The following IGSF10 variants were observed in gnomAD, a reference collection of about 807,000 sequenced individuals.
IGSF10 encodes the protein immunoglobulin superfamily member 10.
In IGSF10, 126 loss-of-function variants were observed where a neutral mutation model predicts 128.2. The ratio of observed to expected loss-of-function variants is 0.98; its 90% confidence interval spans 0.85 to 1.14. The LOEUF (loss-of-function observed/expected upper bound fraction) is 1.14. Ranked by LOEUF, IGSF10 falls within the 50% of genes most tolerant of loss-of-function variation. The pLI is 0.00. For missense variants in IGSF10, 3,295 were observed against 3,149.8 expected, an observed-to-expected ratio of 1.05 and a Z score of -1.10; for synonymous variants, 1,185 against 1,146.2, an observed-to-expected ratio of 1.03 and a Z score of -0.68.
chr3:151,562,716 G>C, the IGSF10 span, among the ~76,000 whole-genome samples: 3 of 152,066 alleles, frequency 2.0e-5, no homozygotes, highest in Non-Finnish European at 4.4e-5. Flanking sequence ...TAATTCTACA[G>C]AAGTGCTCTA....
chr3:151,436,323 A>G lies in IGSF10; in HGVS notation c.*366T>C, dbSNP rs1435543698. 1.7e-5 allele frequency: 3 copies of G among 176,928 alleles called. No homozygotes were observed. Among genetic ancestry groups the G allele is most frequent in the Admixed American group, 1.6e-4 (3 of 18,350 alleles). 11.0% of individuals were successfully genotyped at this position (176,928 alleles called of 1,614,324 possible). A position where few individuals can be genotyped will look rare whatever the true frequency, so the allele number is the denominator to read the frequency against. ...TTCCATTGTCTCTGTTCTGAGTGCC[A>G]TGCTTGTAACATTGATAGGAGGTGG... On this transcript the variant is annotated 3_prime_UTR_variant, in exon 8 of 8. Transcript: ENST00000282466.
the IGSF10 span, among the ~76,000 whole-genome samples, chr3:151,523,902 C>T: frequency 6.6e-6 from 1 of 152,010 alleles, no homozygotes; most frequent in African/African-American, 2.4e-5. Context: ...TTTTGTAAAC[C>T]TTGTATCTGA....
At chr3:151,457,585 C>T (rs2108576150) in intron 3 of IGSF10, among the ~76,000 whole-genome samples, 2 of 152,250 alleles carry the variant, frequency 1.3e-5, no homozygotes, top group Middle Eastern at 6.8e-3. Context: ...GCTTGGGCGT[C>T]TCGTTTGGGT....
chr3:151,526,329 T>C, the IGSF10 span, among the ~76,000 whole-genome samples: 1 of 151,740 alleles, frequency 6.6e-6, no homozygotes, highest in Non-Finnish European at 1.5e-5. Context: ...TCTTGATTGT[T>C]TTTTTTTTCA....
the IGSF10 span, among the ~76,000 whole-genome samples, chr3:151,572,012 C>T: frequency 7.2e-5 from 11 of 152,054 alleles, no homozygotes; most frequent in East Asian, 1.9e-4. Context: ...GTTTATGTGA[C>T]GGATTACGTT....
the IGSF10 span, among the ~76,000 whole-genome samples, chr3:151,547,798 G>A: frequency 1.3e-5 from 2 of 152,146 alleles, no homozygotes; most frequent in African/African-American, 2.4e-5. Context: ...TAAAGAATCC[G>A]CCGGCATGTT....
chr3:151,511,729 T>A, the IGSF10 span, among the ~76,000 whole-genome samples: 1 of 152,086 alleles, frequency 6.6e-6, no homozygotes, highest in South Asian at 2.1e-4. Flanking sequence ...CCATCTCACG[T>A]GCAGAGACAC....
Position 151,436,747 on chromosome 3 carries a change from C to CA in IGSF10, c.7813dup (p.Cys2605LeufsTer9). On this transcript the variant is annotated frameshift_variant, in exon 8 of 8. Transcript: ENST00000282466. LOFTEE classifies it high-confidence loss of function. ...ACTACCAAGTGGGTTCTTTGCTGTG[C>CA]ATTTGTATATCCCAGAATCGGAGGT... 1 of 1,614,080 alleles carries CA rather than the reference C, an allele frequency of 6.2e-7. No individual in the cohort carries two copies. The highest frequency in any genetic ancestry group is 8.5e-7 in the Non-Finnish European group (1 of 1,179,984).
the IGSF10 span, among the ~76,000 whole-genome samples, chr3:151,537,694 T>C: frequency 6.6e-6 from 1 of 152,166 alleles, no homozygotes; most frequent in Non-Finnish European, 1.5e-5. Flanking sequence ...CATCACTGTT[T>C]CCTCTTCTAA....
chr3:151,562,040 G>C, the IGSF10 span, among the ~76,000 whole-genome samples: 3 of 152,174 alleles, frequency 2.0e-5, no homozygotes, highest in African/African-American at 7.2e-5. Context: ...CAATAAGGCT[G>C]AGCCCTACTG....
the IGSF10 span, among the ~76,000 whole-genome samples, chr3:151,609,936 C>A: frequency 6.6e-6 from 1 of 152,126 alleles, no homozygotes; most frequent in Non-Finnish European, 1.5e-5. Context: ...AACTCAGCAT[C>A]ATGCAGTACA....
the IGSF10 span, among the ~76,000 whole-genome samples, chr3:151,574,146 A>G: frequency 1.2e-4 from 18 of 152,242 alleles, no homozygotes; most frequent in Admixed American, 3.9e-4. Flanking sequence ...GGCTGCCCTT[A>G]ACATTTTTTC....
chr3:151,488,731 C>A, the IGSF10 span, among the ~76,000 whole-genome samples: 4 of 152,154 alleles, frequency 2.6e-5, no homozygotes, highest in Non-Finnish European at 5.9e-5. Flanking sequence ...GGAAAGGATT[C>A]CTTATTTAAT....
chr3:151,493,857 AAACAAAC>A, the IGSF10 span, among the ~76,000 whole-genome samples: 1 of 4,978 alleles, frequency 2.0e-4, no homozygotes, highest in Admixed American at 2.1e-3. Context: ...TTTAAAAAAC[AAACAAAC>A]AAACAAAAAC....
rs997640867 is a variant in IGSF10, at chr3:151,437,644, G to A, written c.6917C>T (p.Ser2306Leu). ...GTLEIRNVRL[S>L]DSADFICVAR... is the part of the protein sequence containing the mutation. ...CACACAGATAAAGTCGGCTGAATCT[G>A]AAAGCCTCACATTCCTAATTTCCAA... The change falls in exon 8 of 8, where the codon TCA (serine) becomes TTA (leucine). Residue 2306 changes from serine to leucine, a missense_variant. Physicochemically the swap from Ser to Leu is moderately radical, Grantham distance 145 (BLOSUM62 -2). Coordinates refer to ENST00000282466, the MANE Select transcript of IGSF10 (RefSeq NM_178822.5). The A allele has an allele frequency of 6.2e-7, 1 of 1,614,160 alleles. No individual in the cohort carries two copies. The highest frequency in any genetic ancestry group is 1.7e-5 in the Admixed American group (1 of 60,028).
the IGSF10 span, among the ~76,000 whole-genome samples, chr3:151,574,062 T>C: frequency 1.3e-5 from 2 of 152,258 alleles, no homozygotes; most frequent in Non-Finnish European, 2.9e-5. Flanking sequence ...TCTTCTGGCG[T>C]GTAGAGTTTC....
chr3:151,537,775 C>T, the IGSF10 span, among the ~76,000 whole-genome samples: 42 of 152,240 alleles, frequency 2.8e-4, no homozygotes, highest in African/African-American at 8.4e-4. Context: ...ATCTGTAATT[C>T]AATAAACCTA....
chr3:151,519,666 T>C, the IGSF10 span, among the ~76,000 whole-genome samples: 1 of 151,740 alleles, frequency 6.6e-6, no homozygotes, highest in Non-Finnish European at 1.5e-5. Context: ...CTTTGAGGTA[T>C]ATAGTGTGAA....
At chr3:151,518,834 C>T in the IGSF10 span, among the ~76,000 whole-genome samples, 3 of 151,754 alleles carry the variant, frequency 2.0e-5, no homozygotes, top group Non-Finnish European at 2.9e-5. Flanking sequence ...AAGAAGGAGA[C>T]GTTCTAAAGA....
Sources: gnomAD v4.1 joint callset for allele counts (sites outside exome capture counted in the v4.1 genomes callset) on GRCh38, gnomAD v4.1.1 for gene constraint, MANE v1.5 for transcripts, NCBI Gene and HGNC (gene_info 2026-07-23, HGNC 2026-07-21) for gene names.